CYP19A1: variants seen among roughly 807,000 people sequenced by gnomAD.
CYP19A1 encodes the protein aromatase.
Under a neutral mutation model 44.4 loss-of-function variants are expected in CYP19A1, and 32 were observed. The observed-to-expected ratio is 0.72, with a 90% CI of 0.54 to 0.97. The LOEUF is 0.97. Among genes scored for constraint, CYP19A1 ranks in the 50% least tolerant of loss-of-function variants. The pLI is 0.00. For missense variants in CYP19A1, 598 were observed against 637.8 expected, an observed-to-expected ratio of 0.94 and a Z score of 0.67; for synonymous variants, 212 against 215.6, an observed-to-expected ratio of 0.98 and a Z score of 0.14.
At chr15:51,212,661 G>C in intron 8 of CYP19A1, 100 bp from the exon 9 acceptor site, 1 of 825,514 alleles carries the variant, frequency 1.2e-6, no homozygotes, top group East Asian at 2.5e-5. Flanking sequence ...TTTGCTCTTG[G>C]TTGAAAAAAA....
chr15:51,318,311 G>GACGCA (rs1566924689), intron 1 of CYP19A1: 4 of 152,224 alleles, frequency 2.6e-5, no homozygotes, highest in Admixed American at 1.3e-4. Context: ...GCAAAGTGGA[G>GACGCA]ATGCAAAGCC....
chr15:51,337,022 A>T (rs1299610638), intron 1 of CYP19A1, among the ~76,000 whole-genome samples: 4 of 152,104 alleles, frequency 2.6e-5, no homozygotes, highest in African/African-American at 7.2e-5. Context: ...AGGCTTAGGG[A>T]TTCACACTGA....
In CYP19A1 at chr15:51,329,697, T is replaced by G. The variant is rs79293675; in HGVS notation, c.-39+8798A>C. Among the ~76,000 whole-genome samples the G allele has an allele frequency of 9.3e-3, 1,419 of 152,290 alleles. 20 individuals carry two copies. The highest frequency in any genetic ancestry group is 0.033 in the African/African-American group (1,369 of 41,564). On this transcript the variant is annotated intron_variant, in intron 1 of 9. Transcript: ENST00000396402. ...TGAATCCTGTGGTCAGGAAGCAAGATCTCAGAAAGAAATTGTAAGGGCACT... is the reference window on the plus strand; with the variant it reads ...TGAATCCTGTGGTCAGGAAGCAAGAGCTCAGAAAGAAATTGTAAGGGCACT...
At chr15:51,218,361 T>G (rs1372026269) in intron 6 of CYP19A1, 180 bp downstream of exon 6, 3 of 902,480 alleles carry the variant, frequency 3.3e-6, no homozygotes, top group East Asian at 5.8e-5. Context: ...TACTCTCTGG[T>G]CTGGCCAAAT....
At chr15:51,224,264 T>C (rs1239036784) in intron 4 of CYP19A1, among the ~76,000 whole-genome samples, 1 of 152,206 alleles carries the variant, frequency 6.6e-6, no homozygotes, top group Admixed American at 6.5e-5. Flanking sequence ...CTGATTTAGA[T>C]ACTAAAACTT....
intron 3 of CYP19A1, 93 bp from the exon 4 acceptor site, chr15:51,228,026 G>T: frequency 1.3e-6 from 1 of 779,480 alleles, no homozygotes; most frequent in Non-Finnish European, 2.4e-6. Flanking sequence ...CTTAGCAAAT[G>T]CATGTTGCTC....
At chr15:51,216,409 G>A (rs923280360) in intron 6 of CYP19A1, among the ~76,000 whole-genome samples, 22 of 151,962 alleles carry the variant, frequency 1.4e-4, no homozygotes, top group African/African-American at 4.6e-4. Flanking sequence ...CTGCCACCAC[G>A]CCCAGCTAAT....
chr15:51,226,087 T>C (rs1347458815), intron 4 of CYP19A1, among the ~76,000 whole-genome samples: 1 of 52,676 alleles, frequency 1.9e-5, no homozygotes, highest in Non-Finnish European at 3.3e-5. Context: ...AGACTCTGTC[T>C]CAGAAAAAAA....
chr15:51,253,045 A>C (rs918413170), intron 1 of CYP19A1, among the ~76,000 whole-genome samples: 1 of 152,192 alleles, frequency 6.6e-6, no homozygotes, highest in African/African-American at 2.4e-5. Flanking sequence ...GGGGAAACTC[A>C]AAGCTGCTTC....
chr15:51,242,721 C>T, intron 2 of CYP19A1, 47 bp downstream of exon 2: 1 of 1,287,586 alleles, frequency 7.8e-7, no homozygotes, highest in South Asian at 1.2e-5. Context: ...GGACCAAAAT[C>T]CCAAGTAAAT....
intron 1 of CYP19A1, among the ~76,000 whole-genome samples, chr15:51,275,035 G>A (rs914863916): frequency 6.6e-6 from 1 of 152,158 alleles, no homozygotes; most frequent in African/African-American, 2.4e-5. Flanking sequence ...TCTGGATTTG[G>A]CTTCCGCTCC....
rs534346942 is a variant in CYP19A1, at chr15:51,248,446, T to C, written c.-38-5496A>G. The stretch of plus-strand genomic sequence containing the variant: ...CTGAGTGACTTTGTAATGTCAGCCA[T>C]AGGGAACTCACCATTTTATCTAATG... On this transcript the variant is annotated intron_variant, in intron 1 of 9. Coordinates refer to ENST00000396402, the MANE Select transcript of CYP19A1 (RefSeq NM_000103.4). Among the ~76,000 whole-genome samples the C allele has an allele frequency of 3.3e-5, 5 of 152,320 alleles. No individual in the cohort carries two copies. In the South Asian group the frequency reaches 1.0e-3, roughly 32 times the overall value.
At chr15:51,322,694 G>C (rs1218868111) in intron 1 of CYP19A1, among the ~76,000 whole-genome samples, 1 of 152,060 alleles carries the variant, frequency 6.6e-6, no homozygotes, top group Non-Finnish European at 1.5e-5. Context: ...TTCCCCACTA[G>C]GATTTTGCAA....
chr15:51,336,902 T>A (rs977375180), intron 1 of CYP19A1, among the ~76,000 whole-genome samples: 8 of 101,234 alleles, frequency 7.9e-5, no homozygotes, highest in Non-Finnish European at 1.1e-4. Flanking sequence ...ACAGGCCAGA[T>A]TGATAGCTTT....
At position 51,239,224 on chromosome 15, in the gene CYP19A1, G is replaced by A. The variant is rs79815524; in HGVS notation, c.146-2215C>T. Among the ~76,000 whole-genome samples the A allele has an allele frequency of 5.7e-3, 871 of 152,240 alleles. 11 individuals are homozygous for A. The highest frequency in any genetic ancestry group is 0.02 in the African/African-American group (838 of 41,530). On this transcript the variant is annotated intron_variant, in intron 2 of 9. Transcript: ENST00000396402. ...GCAGTGAATACTTTGCTGCATTTTT[G>A]TACAGAGACAGCCTCCTTGGAGCCA...
At chr15:51,268,698 T>C (rs896951665) in intron 1 of CYP19A1, among the ~76,000 whole-genome samples, 3 of 152,202 alleles carry the variant, frequency 2.0e-5, no homozygotes, top group African/African-American at 7.2e-5. Flanking sequence ...TTCCACTGCA[T>C]TCCCATCAGC....
chr15:51,231,416 ATTTTC>A (rs2033023761), intron 3 of CYP19A1, among the ~76,000 whole-genome samples: 1 of 152,046 alleles, frequency 6.6e-6, no homozygotes, highest in African/African-American at 2.4e-5. Flanking sequence ...TCATTTGACA[ATTTTC>A]TTAACAGAAA....
chr15:51,329,297 C>A (rs988315684), intron 1 of CYP19A1, among the ~76,000 whole-genome samples: 7 of 152,138 alleles, frequency 4.6e-5, no homozygotes, highest in African/African-American at 1.4e-4. Flanking sequence ...CTGCTTCACA[C>A]ATAGGGCCCC....
intron 1 of CYP19A1, among the ~76,000 whole-genome samples, chr15:51,335,944 A>G (rs909686003): frequency 6.6e-6 from 1 of 152,204 alleles, no homozygotes. Flanking sequence ...GGTTCCTCAA[A>G]TAAGCCATGC....
Sources: allele counts gnomAD v4.1 joint callset (sites outside exome capture counted in the v4.1 genomes callset), GRCh38; gene constraint gnomAD v4.1.1; transcripts MANE v1.5; gene names NCBI Gene and HGNC (gene_info 2026-07-23, HGNC 2026-07-21).